Variants in RBFOX1 observed in about 807,000 individuals in gnomAD.
RBFOX1 encodes the protein RNA binding protein fox-1 homolog 1.
In RBFOX1, 8 loss-of-function variants were observed where a neutral mutation model predicts 57.7. That is an observed-to-expected ratio of 0.14 (90% CI 0.08 to 0.25). The LOEUF is 0.25. Among genes scored for constraint, RBFOX1 ranks in the 10% least tolerant of loss-of-function variants. RBFOX1 has a pLI of 1.00. For synonymous variants in RBFOX1, 326 were observed against 222.4 expected (o/e 1.47, Z -4.15); for missense variants, 611 against 548.5 (o/e 1.11, Z -1.14).
At chr16:5,823,449 T>G (rs2055925741) in intron 3 of RBFOX1, among the ~76,000 whole-genome samples, 1 of 152,116 alleles carries the variant, frequency 6.6e-6, no homozygotes, top group Admixed American at 6.5e-5. Context: ...TATTGCTTAT[T>G]GAGAATATAA....
intron 4 of RBFOX1, among the ~76,000 whole-genome samples, chr16:7,383,267 TAAA>T (rs201018914): frequency 7.4e-6 from 1 of 134,802 alleles, no homozygotes; most frequent in African/African-American, 2.7e-5. Flanking sequence ...CCATAAAAAT[TAAA>T]AAAAAAAAAA....
At chr16:6,016,242 A>G (rs1395017867), upstream of RBFOX1, among the ~76,000 whole-genome samples, 1 of 152,216 alleles carries the variant, frequency 6.6e-6, no homozygotes, top group Non-Finnish European at 1.5e-5. Context: ...GTTCGCAAGA[A>G]CACCTTATCT....
rs185488366 is a variant in RBFOX1, at chr16:7,272,367, T to C, written c.27+220269T>C. ...ACCCAGCTAGTTTTTGTATTTTTAG[T>C]AGAGACTGTGTTCCGCCATGTTGGC... On this transcript the variant is annotated intron_variant, in intron 4 of 15. Transcript: ENST00000550418. Among the ~76,000 whole-genome samples the C allele has an allele frequency of 3.3e-3, 497 of 152,186 alleles. 5 individuals carry two copies. The highest frequency in any genetic ancestry group is 0.011 in the African/African-American group (470 of 41,524).
chr16:7,422,783 G>C (rs2098554830), intron 4 of RBFOX1: 2 of 152,254 alleles, frequency 1.3e-5, no homozygotes, highest in Non-Finnish European at 2.9e-5. Flanking sequence ...AAAGCAGTGT[G>C]ATTAATAACA....
At chr16:6,320,087 A>G (rs1233567124) in intron 2 of RBFOX1, among the ~76,000 whole-genome samples, 1 of 151,856 alleles carries the variant, frequency 6.6e-6, no homozygotes, top group Non-Finnish European at 1.5e-5. Context: ...GGTGACTGAG[A>G]GGGGGAAGGT....
chr16:5,802,591 T>C (rs1395252335), intron 3 of RBFOX1, among the ~76,000 whole-genome samples: 1 of 152,146 alleles, frequency 6.6e-6, no homozygotes, highest in Non-Finnish European at 1.5e-5. Context: ...ATCTTTCTCT[T>C]GAAGAGGAGC....
intron 1 of RBFOX1, among the ~76,000 whole-genome samples, chr16:6,226,683 A>T (rs1452315914): frequency 6.6e-6 from 1 of 152,204 alleles, no homozygotes; most frequent in East Asian, 1.9e-4. Flanking sequence ...AGGGGTTTAT[A>T]TGAAGTTTAA....
At chr16:7,230,597 G>T (rs1051448613) in intron 4 of RBFOX1, among the ~76,000 whole-genome samples, 2 of 152,136 alleles carry the variant, frequency 1.3e-5, no homozygotes, top group African/African-American at 2.4e-5. Flanking sequence ...TCCCAATCAC[G>T]TGATGGCATT....
intron 3 of RBFOX1, among the ~76,000 whole-genome samples, chr16:6,906,450 C>T (rs1398737558): frequency 2.0e-5 from 3 of 151,754 alleles, no homozygotes; most frequent in East Asian, 1.9e-4. Flanking sequence ...TGTGGAAATG[C>T]GACTTTATTT....
intron 3 of RBFOX1, among the ~76,000 whole-genome samples, chr16:5,856,151 T>TTCTCTCTCTC (rs35841072): frequency 3.5e-4 from 14 of 40,424 alleles, no homozygotes; most frequent in African/African-American, 8.3e-4. Context: ...GTCTTTATGG[T>TTCTCTCTCTC]TCTCTCTCTC....
intron 1 of RBFOX1, among the ~76,000 whole-genome samples, chr16:5,421,502 G>C (rs1340036435): frequency 6.6e-6 from 1 of 152,148 alleles, no homozygotes; most frequent in Non-Finnish European, 1.5e-5. Flanking sequence ...GGGTGAGTTA[G>C]GATGTCATGA....
At chr16:6,876,534 G>C (rs1400792862) in intron 3 of RBFOX1, among the ~76,000 whole-genome samples, 1 of 152,008 alleles carries the variant, frequency 6.6e-6, no homozygotes. Flanking sequence ...TTTAATATTT[G>C]TTTGCAAAAA....
chr16:6,421,512 A>T (rs1000379161), intron 2 of RBFOX1, among the ~76,000 whole-genome samples: 2 of 152,210 alleles, frequency 1.3e-5, no homozygotes, highest in Non-Finnish European at 2.9e-5. Flanking sequence ...TGTACTTTTT[A>T]ACAAGATTTT....
chr16:7,062,914 T>TTTTTTTTTA (rs2054898062), intron 4 of RBFOX1, among the ~76,000 whole-genome samples: 1 of 140,274 alleles, frequency 7.1e-6, no homozygotes, highest in African/African-American at 2.8e-5. Flanking sequence ...TTTTTTTTTT[T>TTTTTTTTTA]TTTTTTTTTT....
chr16:6,620,572 C>G (rs1032449254), intron 2 of RBFOX1, among the ~76,000 whole-genome samples: 2 of 151,452 alleles, frequency 1.3e-5, no homozygotes, highest in African/African-American at 4.9e-5. Flanking sequence ...TTTTTTTAAA[C>G]AACAACAATA....
intron 4 of RBFOX1, among the ~76,000 whole-genome samples, chr16:7,087,933 A>G (rs2060239073): frequency 6.6e-6 from 1 of 152,024 alleles, no homozygotes; most frequent in Non-Finnish European, 1.5e-5. Flanking sequence ...TCTCTGATTA[A>G]TAAATTGACT....
chr16:6,016,676 T>C (rs538891634), upstream of RBFOX1, among the ~76,000 whole-genome samples: 4 of 152,332 alleles, frequency 2.6e-5, no homozygotes, highest in Admixed American at 2.0e-4. Flanking sequence ...GTATTTTTCA[T>C]GTCCAGTAGG....
chr16:7,654,518 C>A (rs953167916), intron 12 of RBFOX1, among the ~76,000 whole-genome samples: 1 of 152,188 alleles, frequency 6.6e-6, no homozygotes, highest in African/African-American at 2.4e-5. Context: ...CATTTGCCTT[C>A]CTTTCTCCTC....
At chr16:7,383,375 G>A (rs908098574) in intron 4 of RBFOX1, among the ~76,000 whole-genome samples, 1 of 151,846 alleles carries the variant, frequency 6.6e-6, no homozygotes, top group African/African-American at 2.4e-5. Context: ...AACAAAAAAA[G>A]CAGATGGCAA....
Sources: gnomAD v4.1 joint callset for allele counts (sites outside exome capture counted in the v4.1 genomes callset) on GRCh38, gnomAD v4.1.1 for gene constraint, MANE v1.5 for transcripts, NCBI Gene and HGNC (gene_info 2026-07-23, HGNC 2026-07-21) for gene names.